PEDS1: variants seen among roughly 807,000 people sequenced by gnomAD.
The protein encoded by PEDS1 is plasmanylethanolamine desaturase 1.
A neutral mutation model predicts 35.2 loss-of-function variants in PEDS1; 14 were observed. The observed-to-expected ratio is 0.40, with a 90% CI of 0.26 to 0.62. The LOEUF is 0.62. Among genes scored for constraint, PEDS1 ranks in the 20% least tolerant of loss-of-function variants. PEDS1 has a pLI of 0.44. For missense variants in PEDS1, 260 were observed against 367.8 expected (o/e 0.71, Z 2.40); for synonymous variants, 152 against 152.0 (o/e 1.00, Z 0.00).
intron 1 of PEDS1, among the ~76,000 whole-genome samples, chr20:50,151,863 CAAAT>C (rs2081408100): frequency 6.6e-6 from 1 of 151,978 alleles, no homozygotes; most frequent in African/African-American, 2.4e-5. Flanking sequence ...CATCTCAAAA[CAAAT>C]AAAACAAAAC....
At chr20:50,133,697 C>T (rs192360234) in intron 2 of PEDS1, among the ~76,000 whole-genome samples, 5 of 152,358 alleles carry the variant, frequency 3.3e-5, no homozygotes, top group Admixed American at 6.5e-5. Context: ...TTGCTCAGAG[C>T]GAAGGTCAGC....
intron 1 of PEDS1, among the ~76,000 whole-genome samples, chr20:50,149,246 C>T (rs1242721442): frequency 6.6e-6 from 1 of 152,154 alleles, no homozygotes; most frequent in African/African-American, 2.4e-5. Context: ...GACTCTCACC[C>T]AGTACTCCTG....
At chr20:50,130,783 A>T in intron 3 of PEDS1, 73 bp downstream of exon 3, 1 of 1,573,180 alleles carries the variant, frequency 6.4e-7, no homozygotes, top group Non-Finnish European at 8.7e-7. Context: ...AGTCTTAGAG[A>T]AGAAAGGGGA....
chr20:50,138,309 GC>G (rs1046725628), intron 2 of PEDS1, among the ~76,000 whole-genome samples: 6 of 152,220 alleles, frequency 3.9e-5, no homozygotes, highest in Admixed American at 1.3e-4. Context: ...AGGCAGGGCT[GC>G]TGGTGAGTAG....
At chr20:50,125,967 C>A (rs984926063) in intron 5 of PEDS1, among the ~76,000 whole-genome samples, 1 of 152,058 alleles carries the variant, frequency 6.6e-6, no homozygotes, top group Non-Finnish European at 1.5e-5. Flanking sequence ...TCAAGCAATC[C>A]TCTCGCCTTG....
At position 50,153,671 on chromosome 20, in the gene PEDS1, T is replaced by TGGC. The variant is rs956212727; in HGVS notation, c.-37_-35dup. 1.1e-4 allele frequency: 130 copies of TGGC among 1,214,370 alleles called. No individual in the cohort carries two copies. Among genetic ancestry groups the TGGC allele is most frequent in the East Asian group, 3.3e-4 (10 of 30,306 alleles). The allele number at this position is 1,214,370 out of a possible 1,614,324, so 75.2% of individuals were successfully genotyped here. A position where few individuals can be genotyped will look rare whatever the true frequency, so the allele number is the denominator to read the frequency against. ...GCCCGATCGGCCCGGTGCGCTCTGC[T>TGGC]GGCGGCGGCGGCGGCAGGGCCGCGG... On this transcript the variant is annotated 5_prime_UTR_variant, in exon 1 of 6. Coordinates refer to ENST00000371652, the MANE Select transcript of PEDS1 (RefSeq NM_199129.4).
In PEDS1 at chr20:50,123,878, C is replaced by T. The variant is rs6063473; in HGVS notation, c.*1180G>A. 3 of 152,224 alleles carry T rather than the reference C, an allele frequency of 2.0e-5. No homozygotes were observed. The highest frequency in any genetic ancestry group is 1.3e-4 in the Admixed American group (2 of 15,280). The allele number at this position is 152,224 out of a possible 1,614,324, so 9.4% of individuals were successfully genotyped here. ...GCTGTACCTGTGTACAGGACAGAGC[C>T]TGGCACACACCAGGTGCCAGTGAAT... On this transcript the variant is annotated 3_prime_UTR_variant, in exon 6 of 6. Coordinates refer to ENST00000371652, the MANE Select transcript of PEDS1 (RefSeq NM_199129.4).
intron 1 of PEDS1, among the ~76,000 whole-genome samples, chr20:50,149,953 A>C (rs1161097591): frequency 6.6e-6 from 1 of 152,100 alleles, no homozygotes; most frequent in Non-Finnish European, 1.5e-5. Context: ...AAATGTTCCA[A>C]CAAAAGTGGA....
intron 2 of PEDS1, among the ~76,000 whole-genome samples, chr20:50,142,006 G>A (rs1250237208): frequency 1.3e-5 from 2 of 152,206 alleles, no homozygotes; most frequent in Non-Finnish European, 2.9e-5. Context: ...GGATGGGGAG[G>A]GGAAGGGTGG....
At chr20:50,133,303 G>A (rs1323584532) in intron 2 of PEDS1, among the ~76,000 whole-genome samples, 1 of 151,988 alleles carries the variant, frequency 6.6e-6, no homozygotes, top group Admixed American at 6.6e-5. Context: ...GGTGGTGGGG[G>A]TGGGGGCAGC....
chr20:50,127,974 C>A lies in PEDS1; in HGVS notation c.691+1G>T. ...CCATTCCACGCCACTGGTGGCCGCA[C>A]CTGTGGTGATGCAGAAGTAGGTCTC... On this transcript the variant is annotated splice_donor_variant, in intron 5 of 5. Transcript: ENST00000371652. LOFTEE classifies it high-confidence loss of function. The A allele has an allele frequency of 6.2e-7, 1 of 1,613,576 alleles. No individual in the cohort carries two copies. The highest frequency in any genetic ancestry group is 8.5e-7 in the Non-Finnish European group (1 of 1,179,816).
In PEDS1 at chr20:50,122,506, C is replaced by T. The variant is rs925595819; in HGVS notation, c.*2552G>A. ...TCACCTGAAGTCAAGAGTTGGAGAC[C>T]AGCCTGGCCAACATGCTGAAACCCC... is the stretch of plus-strand genomic sequence containing the variant. On this transcript the variant is annotated 3_prime_UTR_variant, in exon 6 of 6. Coordinates refer to ENST00000371652, the MANE Select transcript of PEDS1 (RefSeq NM_199129.4). The T allele has an allele frequency of 1.3e-5, 2 of 152,118 alleles. No individual in the cohort carries two copies. The highest frequency in any genetic ancestry group is 2.9e-5 in the Non-Finnish European group (2 of 68,032). The allele number at this position is 152,118 out of a possible 1,614,324, so 9.4% of individuals were successfully genotyped here.
chr20:50,139,353 G>GT (rs2081269067), intron 2 of PEDS1, among the ~76,000 whole-genome samples: 1 of 152,060 alleles, frequency 6.6e-6, no homozygotes, highest in African/African-American at 2.4e-5. Flanking sequence ...AACGATGTGC[G>GT]TGTCACAGTG....
chr20:50,145,662 G>C (rs2081338040), intron 1 of PEDS1, among the ~76,000 whole-genome samples: 1 of 151,936 alleles, frequency 6.6e-6, no homozygotes, highest in African/African-American at 2.4e-5. Flanking sequence ...TTGCACTCCA[G>C]CCTGGGTGAC....
chr20:50,149,862 G>C (rs926074213), intron 1 of PEDS1, among the ~76,000 whole-genome samples: 1 of 152,150 alleles, frequency 6.6e-6, no homozygotes, highest in African/African-American at 2.4e-5. Flanking sequence ...GCCCAGTCCC[G>C]GGTTCCAGGC....
Position 50,143,604 on chromosome 20 carries a change from A to G in PEDS1, c.139T>C (p.Trp47Arg). ...LYSPGKRLQE[W>R]CSVILCFSLI... ...CTGAAGCACAGGATCACAGAGCACC[A>G]CTCCTGGAGGCGCTTGCCTGCAGGG... The change falls in exon 2 of 6, where the codon TGG (tryptophan) becomes CGG (arginine). Residue 47 changes from tryptophan to arginine, a missense_variant. Trp to Arg is a moderately radical substitution (Grantham distance 101). Transcript: ENST00000371652. The G allele has an allele frequency of 6.2e-7, 1 of 1,613,190 alleles. No individual in the cohort carries two copies. Among genetic ancestry groups the G allele is most frequent in the Non-Finnish European group, 8.5e-7 (1 of 1,179,804 alleles).
At chr20:50,151,073 T>C (rs532471318) in intron 1 of PEDS1, 2 of 378,188 alleles carry the variant, frequency 5.3e-6, no homozygotes, top group South Asian at 2.1e-5. Context: ...GTGTTCAATA[T>C]GCACTGAGCC....
In PEDS1 at chr20:50,151,122, T is replaced by G. The variant is rs2081398304; in HGVS notation, c.121+2395A>C. 40 of 681,462 alleles carry G rather than the reference T, an allele frequency of 5.9e-5. 2 individuals are homozygous for G. The South Asian group carries it at 6.3e-4, about 11-fold the overall frequency. The allele number at this position is 681,462 out of a possible 1,614,324, so 42.2% of individuals were successfully genotyped here. On this transcript the variant is annotated intron_variant, in intron 1 of 5. Transcript: ENST00000371652. ...TTTCAGGCCCAGAGAGGTCAAATAC[T>G]TCCCCAAGATCACACAGTGAGCAGA...
intron 1 of PEDS1, among the ~76,000 whole-genome samples, chr20:50,144,129 G>T (rs1045960446): frequency 2.0e-5 from 3 of 152,172 alleles, no homozygotes; most frequent in Admixed American, 2.0e-4. Flanking sequence ...AACAGTCAGG[G>T]CTGGATGCAT....
Sources: gnomAD v4.1 joint callset for allele counts (sites outside exome capture counted in the v4.1 genomes callset) on GRCh38, gnomAD v4.1.1 for gene constraint, MANE v1.5 for transcripts, NCBI Gene and HGNC (gene_info 2026-07-23, HGNC 2026-07-21) for gene names.